The following SUMF1 variants were observed in gnomAD, a reference collection of about 807,000 sequenced individuals.
The protein encoded by SUMF1 is sulfatase modifying factor 1, also known as formylglycine-generating enzyme.
SUMF1 carries 48 observed loss-of-function variants against 47.6 expected under a neutral mutation model. The observed-to-expected ratio is 1.01, with a 90% CI of 0.80 to 1.28. SUMF1 has a LOEUF of 1.28. Ranked by LOEUF, SUMF1 falls within the 50% of genes most tolerant of loss-of-function variation. The pLI is 0.00. For synonymous variants in SUMF1, 230 were observed against 192.1 expected, an observed-to-expected ratio of 1.20 and a Z score of -1.63; for missense variants, 571 against 485.4, an observed-to-expected ratio of 1.18 and a Z score of -1.66.
rs79640059 is a variant in SUMF1, at chr3:4,108,017, C to T, written c.1015-39272G>A. ...AGAAAAAACAATTTCTGGAAATAAC[C>T]CAAATGCCCAACAATAGGGGAATAA... On this transcript the variant is annotated intron_variant and NMD_transcript_variant, in intron 8 of 12. Coordinates refer to the SUMF1 transcript ENST00000448413. Among the ~76,000 whole-genome samples the T allele has an allele frequency of 1.1e-3, 168 of 151,962 alleles. 6 individuals are homozygous for T. Among genetic ancestry groups the T allele is most frequent in the African/African-American group, 3.9e-3 (161 of 41,426 alleles).
Position 4,410,461 on chromosome 3 carries a change from A to T in SUMF1, c.954+404T>A, listed in dbSNP as rs952567742. On this transcript the variant is annotated intron_variant, in intron 7 of 8. Coordinates refer to ENST00000272902, the MANE Select transcript of SUMF1 (RefSeq NM_182760.4). ...CTCCAAACAATGCTGCTGAATCAAA[A>T]TTTCAACCCATCAGAACTCAGGCAA... is the stretch of plus-strand genomic sequence containing the variant. Among the ~76,000 whole-genome samples the T allele has an allele frequency of 3.9e-5, 6 of 152,220 alleles. No homozygotes were observed. The South Asian group carries it at 1.2e-3, about 32-fold the overall frequency.
At chr3:4,390,382 C>A (rs952291637) in intron 7 of SUMF1, among the ~76,000 whole-genome samples, 1 of 152,176 alleles carries the variant, frequency 6.6e-6, no homozygotes, top group Non-Finnish European at 1.5e-5. Context: ...CCCCACTCAG[C>A]CTTTGCTGGA....
At chr3:4,264,791 A>C (rs1451391757) in intron 8 of SUMF1, among the ~76,000 whole-genome samples, 4 of 152,162 alleles carry the variant, frequency 2.6e-5, no homozygotes, top group Non-Finnish European at 5.9e-5. Context: ...GACATTGTTA[A>C]CAGCAGCAAT....
intron 8 of SUMF1, among the ~76,000 whole-genome samples, chr3:4,156,317 C>T (rs1045866270): frequency 3.3e-5 from 5 of 151,600 alleles, no homozygotes; most frequent in Admixed American, 6.6e-5. Flanking sequence ...CCTGCCAACA[C>T]TCCTGTACTC....
chr3:4,372,919 A>G (rs774646544), intron 8 of SUMF1, among the ~76,000 whole-genome samples: 1 of 152,218 alleles, frequency 6.6e-6, no homozygotes, highest in African/African-American at 2.4e-5. Context: ...AGACCAACCT[A>G]ATAAACAATT....
At chr3:4,278,885 T>C (rs1032582857) in intron 8 of SUMF1, among the ~76,000 whole-genome samples, 5 of 152,128 alleles carry the variant, frequency 3.3e-5, no homozygotes, top group African/African-American at 1.2e-4. Flanking sequence ...TATTCTCAAA[T>C]TTTTTCATGC....
chr3:4,108,672 A>C (rs1334415964), intron 8 of SUMF1, among the ~76,000 whole-genome samples: 2 of 152,084 alleles, frequency 1.3e-5, no homozygotes, highest in African/African-American at 4.8e-5. Flanking sequence ...CTTTACCATT[A>C]TGTAATGGCC....
At position 4,064,124 on chromosome 3, in the gene SUMF1, T is replaced by C. The variant is rs1200421573; in HGVS notation, c.1191+4445A>G. 6.6e-5 allele frequency among the ~76,000 whole-genome samples: 10 copies of C among 152,182 alleles called. No individual in the cohort carries two copies. The South Asian group carries it at 2.1e-3, about 32-fold the overall frequency. On this transcript the variant is annotated intron_variant and NMD_transcript_variant, in intron 9 of 12. Transcript: ENST00000448413. Reference sequence around the variant, plus strand: ...TAAGGCTGAGACCTACTGAGCCGCATTCCCCAGAGGTTAGGCATTCTCAGT... The same window carrying C: ...TAAGGCTGAGACCTACTGAGCCGCACTCCCCAGAGGTTAGGCATTCTCAGT...
intron 7 of SUMF1, among the ~76,000 whole-genome samples, chr3:4,386,183 A>G (rs1052313336): frequency 1.3e-5 from 2 of 152,182 alleles, no homozygotes; most frequent in Non-Finnish European, 2.9e-5. Flanking sequence ...TGGGATTTTG[A>G]TAGGAATTAC....
intron 8 of SUMF1, among the ~76,000 whole-genome samples, chr3:4,096,796 C>T (rs926126536): frequency 4.6e-5 from 7 of 152,030 alleles, no homozygotes; most frequent in Admixed American, 2.6e-4. Context: ...GGGTAGTGGG[C>T]TGGGTCGGAA....
intron 8 of SUMF1, among the ~76,000 whole-genome samples, chr3:4,312,098 T>TA: frequency 6.6e-6 from 1 of 152,320 alleles, no homozygotes; most frequent in East Asian, 1.9e-4. Context: ...TCTTTACAAG[T>TA]GTATATCTTT....
chr3:4,312,476 CATACT>C (rs1192282658), intron 8 of SUMF1, among the ~76,000 whole-genome samples: 1 of 151,900 alleles, frequency 6.6e-6, no homozygotes, highest in East Asian at 1.9e-4. Context: ...CTATATATAA[CATACT>C]ATTATATACA....
At chr3:4,140,709 T>G (rs934169516) in intron 8 of SUMF1, among the ~76,000 whole-genome samples, 3 of 151,952 alleles carry the variant, frequency 2.0e-5, no homozygotes, top group African/African-American at 7.2e-5. Context: ...CTCCCCAAAA[T>G]CCCAAATTAT....
At chr3:4,453,344 A>C (rs1703040486) in intron 1 of SUMF1, among the ~76,000 whole-genome samples, 1 of 152,178 alleles carries the variant, frequency 6.6e-6, no homozygotes, top group Non-Finnish European at 1.5e-5. Context: ...TAACGGCTAG[A>C]ATGCAGAGGT....
intron 8 of SUMF1, among the ~76,000 whole-genome samples, chr3:4,369,061 TTA>T (rs1208336277): frequency 1.1e-4 from 16 of 151,458 alleles, no homozygotes; most frequent in Middle Eastern, 6.8e-3. Flanking sequence ...TTTTTTTTTT[TTA>T]AATTATTCTC....
chr3:4,221,493 C>A (rs1367178570), intron 8 of SUMF1, among the ~76,000 whole-genome samples: 2 of 151,244 alleles, frequency 1.3e-5, no homozygotes, highest in Non-Finnish European at 2.9e-5. Context: ...CATATATAAG[C>A]AAAGATCCAT....
chr3:4,314,612 A>C (rs543512202), intron 8 of SUMF1, among the ~76,000 whole-genome samples: 38 of 152,316 alleles, frequency 2.5e-4, no homozygotes, highest in Non-Finnish European at 4.9e-4. Flanking sequence ...AATCTTGTGA[A>C]GTTATGCTTC....
intron 8 of SUMF1, among the ~76,000 whole-genome samples, chr3:4,188,560 A>C (rs1041480612): frequency 2.0e-5 from 3 of 152,068 alleles, no homozygotes; most frequent in Non-Finnish European, 4.4e-5. Context: ...TTTCCACAAA[A>C]CATGAGTTTA....
intron 8 of SUMF1, among the ~76,000 whole-genome samples, chr3:4,227,689 T>C (rs1243912271): frequency 6.6e-6 from 1 of 152,022 alleles, no homozygotes; most frequent in Non-Finnish European, 1.5e-5. Flanking sequence ...TGGAAGTCAG[T>C]CCTCAGGTGG....
Sources: allele counts gnomAD v4.1 joint callset (sites outside exome capture counted in the v4.1 genomes callset), GRCh38; gene constraint gnomAD v4.1.1; transcripts MANE v1.5; gene names NCBI Gene and HGNC (gene_info 2026-07-23, HGNC 2026-07-21).